The following TCEA1 variants were observed in gnomAD, a reference collection of about 807,000 sequenced individuals.
TCEA1 encodes the protein transcription elongation factor A1, also known as transcription elongation factor A protein 1.
Under a neutral mutation model 43.8 loss-of-function variants are expected in TCEA1, and 21 were observed. That is an observed-to-expected ratio of 0.48 (90% CI 0.34 to 0.69). TCEA1 has a LOEUF of 0.69. Ranked by LOEUF, TCEA1 falls within the 30% of genes least tolerant of loss-of-function variation. The pLI is 0.01. For missense variants in TCEA1, 250 were observed against 365.1 expected, an observed-to-expected ratio of 0.68 and a Z score of 2.57; for synonymous variants, 104 against 117.5, an observed-to-expected ratio of 0.88 and a Z score of 0.75.
chr8:53,973,149 G>A (rs1657163605), intron 8 of TCEA1: 1 of 554,924 alleles, frequency 1.8e-6, no homozygotes, highest in South Asian at 1.6e-5. Context: ...CAATGTAGAA[G>A]AAGATGGGAA....
chr8:53,967,645 C>A lies in TCEA1; in HGVS notation c.*459G>T. The A allele has an allele frequency of 4.9e-6, 1 of 204,140 alleles. No homozygotes were observed. The highest frequency in any genetic ancestry group is 1.0e-5 in the Non-Finnish European group (1 of 100,122). The allele number at this position is 204,140 out of a possible 1,614,324, so 12.6% of individuals were successfully genotyped here. ...TGGTCAAGTATTATTTGAATACACA[C>A]CATATTTGGTAAACCTAAAATTATA... On this transcript the variant is annotated 3_prime_UTR_variant, in exon 10 of 10. Coordinates refer to ENST00000521604, the MANE Select transcript of TCEA1 (RefSeq NM_006756.4).
intron 2 of TCEA1, among the ~76,000 whole-genome samples, chr8:54,002,288 G>A (rs960167475): frequency 4.0e-5 from 6 of 150,276 alleles, no homozygotes; most frequent in East Asian, 2.0e-4. Context: ...TGGCTGACAC[G>A]GTGAAACCCC....
chr8:53,967,898 A>C lies in TCEA1; in HGVS notation c.*206T>G. On this transcript the variant is annotated 3_prime_UTR_variant, in exon 10 of 10. Coordinates refer to ENST00000521604, the MANE Select transcript of TCEA1 (RefSeq NM_006756.4). ...AAACAGAAAAAATATGTTTTGAAAC[A>C]GGTACCATAAAATTATTATATGGTC... The C allele has an allele frequency of 2.3e-6, 1 of 427,958 alleles. No homozygotes were observed. The highest frequency in any genetic ancestry group is 3.3e-5 in the East Asian group (1 of 30,394). 26.5% of individuals were successfully genotyped at this position (427,958 alleles called of 1,614,324 possible). A position where few individuals can be genotyped will look rare whatever the true frequency, so the allele number is the denominator to read the frequency against.
In TCEA1 at chr8:53,979,127, G is replaced by C. The variant is rs778897877; in HGVS notation, c.723C>G (p.Thr241=). ...TCTGATGCTCTCTGATGGCTTCTTT[G>C]GTCAAGTTTTTCCGCATCTCTTTCA... ...DELKEMRKNL[T]KEAIREHQMA... The change falls in exon 8 of 10, where the codon ACC becomes ACG. Residue 241 remains threonine, a synonymous_variant. Coordinates refer to ENST00000521604, the MANE Select transcript of TCEA1 (RefSeq NM_006756.4). The C allele has an allele frequency of 3.1e-6, 5 of 1,613,590 alleles. No homozygotes were observed. The Admixed American group carries it at 8.3e-5, about 27-fold the overall frequency.
At chr8:54,009,527 G>A (rs1471725485) in intron 2 of TCEA1, among the ~76,000 whole-genome samples, 1 of 152,176 alleles carries the variant, frequency 6.6e-6, no homozygotes, top group East Asian at 1.9e-4. Context: ...CAGAAACACG[G>A]ATGGAACTGA....
Position 53,986,999 on chromosome 8 carries a change from C to T in TCEA1, c.493G>A (p.Glu165Lys). The change falls in exon 6 of 10, where the codon GAG becomes AAG. Residue 165 changes from glutamate to lysine, a missense_variant. By Grantham distance (56) the Glu-to-Lys change is moderately conservative. Coordinates refer to ENST00000521604, the MANE Select transcript of TCEA1 (RefSeq NM_006756.4). ...TCAATTTGAGATCCTAATTCTTCCTCATCAGCTCCAATTGCAATGTAGTCA... is the reference window on the plus strand; with the variant it reads ...TCAATTTGAGATCCTAATTCTTCCTTATCAGCTCCAATTGCAATGTAGTCA... ...GDDYIAIGAD[E>K]EELGSQIEEA... is the part of the protein sequence containing the mutation. The T allele has an allele frequency of 1.2e-6, 2 of 1,601,468 alleles. No homozygotes were observed. Among genetic ancestry groups the T allele is most frequent in the South Asian group, 1.1e-5 (1 of 88,224 alleles).
At chr8:53,999,863 TTAAC>T in intron 3 of TCEA1, 78 bp downstream of exon 3, 2 of 990,606 alleles carry the variant, frequency 2.0e-6, no homozygotes, top group Admixed American at 2.1e-5. Context: ...AATGTAACCA[TTAAC>T]TAACCATAAA....
chr8:53,992,378 T>C (rs1384553395), intron 4 of TCEA1, among the ~76,000 whole-genome samples: 1 of 151,810 alleles, frequency 6.6e-6, no homozygotes, highest in Admixed American at 6.6e-5. Context: ...TTTGGGACAC[T>C]GAGGAGGGCG....
At chr8:53,975,529 G>A (rs1403176609) in intron 8 of TCEA1, among the ~76,000 whole-genome samples, 1 of 152,130 alleles carries the variant, frequency 6.6e-6, no homozygotes, top group Non-Finnish European at 1.5e-5. Flanking sequence ...AATGTGGTAT[G>A]AACATACAAT....
chr8:53,981,927 CTTTTTTTT>C (rs35034211), intron 7 of TCEA1, among the ~76,000 whole-genome samples: 2 of 128,168 alleles, frequency 1.6e-5, no homozygotes, highest in African/African-American at 5.6e-5. Flanking sequence ...GCTAAGTTTT[CTTTTTTTT>C]TTTTTTTTTT....
chr8:54,000,487 C>T (rs538922994), intron 2 of TCEA1, among the ~76,000 whole-genome samples: 5 of 152,302 alleles, frequency 3.3e-5, no homozygotes, highest in African/African-American at 1.2e-4. Context: ...GATATCCAAA[C>T]AAAAACTACC....
intron 8 of TCEA1, among the ~76,000 whole-genome samples, chr8:53,977,167 A>G (rs534471138): frequency 3.6e-4 from 54 of 152,098 alleles, no homozygotes; most frequent in Non-Finnish European, 6.5e-4. Context: ...AAAATACAAA[A>G]AAATTAGCCA....
At chr8:53,973,091 C>T (rs978602088) in intron 8 of TCEA1, 3 of 655,210 alleles carry the variant, frequency 4.6e-6, no homozygotes, top group South Asian at 2.8e-5. Context: ...CTTCCTCTAG[C>T]GAAAATGAAG....
In TCEA1 at chr8:53,966,723, T is replaced by C. The variant is rs1050523; in HGVS notation, c.*1381A>G. On this transcript the variant is annotated 3_prime_UTR_variant, in exon 10 of 10. Transcript: ENST00000521604. ...CAAAATAGAGGTGAGTTGGTACCAG[T>C]GGGCCAATTCTTAACACGGACATTT... is the stretch of plus-strand genomic sequence containing the variant. 0.21 allele frequency: 41,058 copies of C among 198,848 alleles called. 6,609 individuals are homozygous for C. The highest frequency in any genetic ancestry group is 0.71 in the East Asian group (8,954 of 12,526). 12.3% of individuals were successfully genotyped at this position (198,848 alleles called of 1,614,324 possible). A position where few individuals can be genotyped will look rare whatever the true frequency, so the allele number is the denominator to read the frequency against.
chr8:53,996,025 A>G (rs1398645831), intron 3 of TCEA1, among the ~76,000 whole-genome samples: 1 of 152,246 alleles, frequency 6.6e-6, no homozygotes. Flanking sequence ...ATAATGACAC[A>G]TGGCAAGGAC....
chr8:54,022,051 C>A lies in TCEA1; in HGVS notation c.63+12G>T. The A allele has an allele frequency of 6.4e-7, 1 of 1,574,502 alleles. No homozygotes were observed. The highest frequency in any genetic ancestry group is 8.6e-7 in the Non-Finnish European group (1 of 1,161,942). On this transcript the variant is annotated intron_variant, in intron 1 of 9. Transcript: ENST00000521604. ...GGCCTCCCTCCCGGCCCGCGCCGCT[C>A]GCCGCGCTCACCGCGTTCTTCTTCT...
intron 8 of TCEA1, chr8:53,973,062 G>T: frequency 1.5e-6 from 1 of 670,522 alleles, no homozygotes. Context: ...TTTGGACATG[G>T]ATTTTCAAGA....
chr8:53,994,840 C>G (rs989313805), intron 3 of TCEA1, among the ~76,000 whole-genome samples: 27 of 151,340 alleles, frequency 1.8e-4, no homozygotes, highest in African/African-American at 5.1e-4. Flanking sequence ...CACTGCACTC[C>G]AGCCTGGGCA....
At chr8:53,989,918 T>C (rs1803818531) in intron 4 of TCEA1, among the ~76,000 whole-genome samples, 1 of 152,108 alleles carries the variant, frequency 6.6e-6, no homozygotes, top group Admixed American at 6.5e-5. Flanking sequence ...TACAGGTGCA[T>C]GCCACCATGC....
Sources: gnomAD v4.1 joint callset for allele counts (sites outside exome capture counted in the v4.1 genomes callset) on GRCh38, gnomAD v4.1.1 for gene constraint, MANE v1.5 for transcripts, NCBI Gene and HGNC (gene_info 2026-07-23, HGNC 2026-07-21) for gene names.